The following HNF4G variants were observed in gnomAD, a reference collection of about 807,000 sequenced individuals.
The protein encoded by HNF4G is hepatocyte nuclear factor 4 gamma.
Under a neutral mutation model 50.9 loss-of-function variants are expected in HNF4G, and 21 were observed. The ratio of observed to expected loss-of-function variants is 0.41; its 90% CI spans 0.29 to 0.59. HNF4G has a LOEUF of 0.59. HNF4G is among the 20% of genes least tolerant of loss of function. HNF4G has a pLI of 0.26. For missense variants in HNF4G, 527 were observed against 559.4 expected, an observed-to-expected ratio of 0.94 and a Z score of 0.58; for synonymous variants, 198 against 185.6, an observed-to-expected ratio of 1.07 and a Z score of -0.54.
intron 1 of HNF4G, among the ~76,000 whole-genome samples, chr8:75,437,681 T>A (rs1811170838): frequency 6.6e-6 from 1 of 151,502 alleles, no homozygotes; most frequent in African/African-American, 2.4e-5. Flanking sequence ...CTCAAAAAAA[T>A]AATAATAAAA....
At chr8:75,456,142 T>C (rs1811717631) in intron 1 of HNF4G, among the ~76,000 whole-genome samples, 2 of 152,070 alleles carry the variant, frequency 1.3e-5, no homozygotes, top group Non-Finnish European at 1.5e-5. Context: ...TTCATATATA[T>C]CCAGTAAGGC....
intron 2 of HNF4G, among the ~76,000 whole-genome samples, chr8:75,507,261 C>CTTT (rs34235931): frequency 3.7e-5 from 5 of 136,852 alleles, no homozygotes; most frequent in African/African-American, 5.3e-5. Context: ...TTTTAAAATT[C>CTTT]TTTTTTTTTT....
chr8:75,430,265 A>G (rs7821682), intron 1 of HNF4G, among the ~76,000 whole-genome samples: 2,063 of 152,292 alleles, frequency 0.014, 55 homozygotes, highest in African/African-American at 0.047. Flanking sequence ...GATGAATGTC[A>G]CTGAAACAGA....
intron 1 of HNF4G, among the ~76,000 whole-genome samples, chr8:75,458,324 A>G (rs961202891): frequency 6.6e-6 from 1 of 151,810 alleles, no homozygotes; most frequent in Non-Finnish European, 1.5e-5. Flanking sequence ...AAGGAAAAAA[A>G]TCAGCAGAAA....
rs185483072 is a variant in HNF4G, at chr8:75,506,815, T to C, written c.-24+16607T>C. Among the ~76,000 whole-genome samples, 3 of 152,114 alleles carry C rather than the reference T, an allele frequency of 2.0e-5. No individual in the cohort carries two copies. The East Asian group carries it at 5.8e-4, about 29-fold the overall frequency. ...GATAGAGTGCAAAGACAAATTCTTG[T>C]GGGCTAGGTAAAGTGCTTTTGTGGC... On this transcript the variant is annotated intron_variant, in intron 2 of 10. Coordinates refer to the HNF4G transcript ENST00000354370.
At chr8:75,477,512 G>A (rs546640519) in intron 1 of HNF4G, among the ~76,000 whole-genome samples, 4 of 152,008 alleles carry the variant, frequency 2.6e-5, no homozygotes, top group African/African-American at 4.8e-5. Flanking sequence ...GGAAATTTAC[G>A]CAAGAGAGAA....
At chr8:75,498,026 TA>T in intron 2 of HNF4G, among the ~76,000 whole-genome samples, 1 of 152,218 alleles carries the variant, frequency 6.6e-6, no homozygotes, top group East Asian at 1.9e-4. Context: ...TTAGAATTTT[TA>T]AGTTCCACCA....
intron 2 of HNF4G, among the ~76,000 whole-genome samples, chr8:75,523,819 CAAAT>C (rs1385107274): frequency 6.6e-6 from 1 of 151,706 alleles, no homozygotes; most frequent in Non-Finnish European, 1.5e-5. Context: ...TGATGAGAAA[CAAAT>C]AATTTTATAT....
chr8:75,505,635 T>C (rs775104210), intron 2 of HNF4G, among the ~76,000 whole-genome samples: 1 of 151,170 alleles, frequency 6.6e-6, no homozygotes, highest in Non-Finnish European at 1.5e-5. Flanking sequence ...CAAACAAATA[T>C]AAACGTACCT....
At chr8:75,542,820 C>G (rs1313569177) in intron 1 of HNF4G, among the ~76,000 whole-genome samples, 1 of 152,124 alleles carries the variant, frequency 6.6e-6, no homozygotes, top group South Asian at 2.1e-4. Context: ...AGATAGCAGG[C>G]TGTTGCCATA....
chr8:75,504,519 CT>C (rs1813024017), intron 2 of HNF4G, among the ~76,000 whole-genome samples: 1 of 150,000 alleles, frequency 6.7e-6, no homozygotes, highest in Non-Finnish European at 1.5e-5. Flanking sequence ...TATACATATA[CT>C]TTTTGGGGGA....
intron 1 of HNF4G, chr8:75,408,241 GGA>G (rs3832563): frequency 0.77 from 114,736 of 148,796 alleles, 44,500 homozygotes; most frequent in Middle Eastern, 0.83. Context: ...AAAGAGAGAA[GGA>G]GAGAGAGAGA....
intron 2 of HNF4G, among the ~76,000 whole-genome samples, chr8:75,528,766 A>G (rs1391587122): frequency 3.5e-5 from 5 of 141,808 alleles, no homozygotes; most frequent in Non-Finnish European, 7.6e-5. Context: ...AAAAAGTGAA[A>G]AGCCTAAACT....
At chr8:75,413,640 G>A (rs552676700) in intron 1 of HNF4G, among the ~76,000 whole-genome samples, 220 of 151,840 alleles carry the variant, frequency 1.4e-3, no homozygotes, top group African/African-American at 5.0e-3. Context: ...AGGCTGAGGC[G>A]GGTGGATCAC....
intron 8 of HNF4G, 29 bp from the exon 9 acceptor site, chr8:75,560,315 C>T: frequency 1.2e-6 from 2 of 1,608,980 alleles, no homozygotes; most frequent in Non-Finnish European, 1.7e-6. Flanking sequence ...TTAAATATCA[C>T]TAACACAGCA....
chr8:75,513,294 T>G (rs1412111119), intron 2 of HNF4G, among the ~76,000 whole-genome samples: 4 of 152,150 alleles, frequency 2.6e-5, no homozygotes, highest in African/African-American at 9.7e-5. Flanking sequence ...TGCCTCAGCC[T>G]CCCAAAGTGC....
At chr8:75,481,685 G>T (rs1490726028) in intron 1 of HNF4G, among the ~76,000 whole-genome samples, 1 of 152,160 alleles carries the variant, frequency 6.6e-6, no homozygotes, top group East Asian at 1.9e-4. Flanking sequence ...CACAGCCTTA[G>T]TGAGATTTCT....
rs149969771 is a variant in HNF4G at position 75,463,198 on chromosome 8, G to A, written c.-143-26891G>A. On this transcript the variant is annotated intron_variant, in intron 1 of 10. Coordinates refer to the HNF4G transcript ENST00000354370. ...TAATTTTCTGTATTGTTGTTTGCTG[G>A]TATAGGTGTACAACTAGTATTTTTT... 3.1e-3 allele frequency among the ~76,000 whole-genome samples: 469 copies of A among 151,686 alleles called. 4 individuals are homozygous for A. Among genetic ancestry groups the A allele is most frequent in the Non-Finnish European group, 5.3e-3 (361 of 67,908 alleles).
chr8:75,492,096 G>A (rs1385993288), intron 2 of HNF4G, among the ~76,000 whole-genome samples: 1 of 152,158 alleles, frequency 6.6e-6, no homozygotes, highest in Admixed American at 6.5e-5. Context: ...ACATACTGAA[G>A]GTAATCGCTT....
Sources: allele counts gnomAD v4.1 joint callset (sites outside exome capture counted in the v4.1 genomes callset), GRCh38; gene constraint gnomAD v4.1.1; transcripts MANE v1.5; gene names NCBI Gene and HGNC (gene_info 2026-07-23, HGNC 2026-07-21).